Variants in WWC1 observed in about 807,000 individuals in gnomAD.
The protein encoded by WWC1 is WW and C2 domain containing 1, also known as protein KIBRA.
Under a neutral mutation model 138.4 loss-of-function variants are expected in WWC1, and 55 were observed. The ratio of observed to expected loss-of-function variants is 0.40; its 90% confidence interval spans 0.32 to 0.50. The LOEUF is 0.50. WWC1 is among the 20% of genes least tolerant of loss of function. The pLI, the probability that WWC1 is intolerant of heterozygous loss-of-function variation, is 0.72. For synonymous variants in WWC1, 524 were observed against 564.9 expected, an observed-to-expected ratio of 0.93 and a Z score of 1.03; for missense variants, 1,226 against 1,420.4, an observed-to-expected ratio of 0.86 and a Z score of 2.20.
intron 1 of WWC1, among the ~76,000 whole-genome samples, chr5:168,369,861 C>T (rs1165856303): frequency 1.4e-5 from 2 of 145,740 alleles, no homozygotes; most frequent in East Asian, 4.0e-4. Context: ...TTGGTTTTTC[C>T]TATGTATTCA....
rs1781730036 is a variant in WWC1 at position 168,428,937 on chromosome 5, A to G, written c.2000+150A>G. 8.5e-6 allele frequency: 6 copies of G among 709,812 alleles called. No individual in the cohort carries two copies. The South Asian group carries it at 9.1e-5, about 11-fold the overall frequency. The allele number at this position is 709,812 out of a possible 1,614,324, so 44.0% of individuals were successfully genotyped here. On this transcript the variant is annotated intron_variant, in intron 13 of 22. Coordinates refer to ENST00000265293, the MANE Select transcript of WWC1 (RefSeq NM_015238.3). The stretch of plus-strand genomic sequence containing the variant: ...CTGGCCATTGCAGCTTCTTAACTGA[A>G]GGGATGCTGATTCGTTCCTCACCTC...
At chr5:168,320,823 C>T (rs981329846) in intron 1 of WWC1, among the ~76,000 whole-genome samples, 3 of 152,012 alleles carry the variant, frequency 2.0e-5, no homozygotes, top group Non-Finnish European at 4.4e-5. Context: ...AGTTTCTGTC[C>T]GATGTCCCTC....
At chr5:168,359,737 A>AG (rs1416396023) in intron 1 of WWC1, among the ~76,000 whole-genome samples, 1 of 152,186 alleles carries the variant, frequency 6.6e-6, no homozygotes, top group Non-Finnish European at 1.5e-5. Context: ...AAACCCACAA[A>AG]GGAATATATG....
chr5:168,355,751 G>A (rs953395485), intron 1 of WWC1, among the ~76,000 whole-genome samples: 5 of 152,186 alleles, frequency 3.3e-5, no homozygotes, highest in Non-Finnish European at 5.9e-5. Context: ...GCAACCGAGT[G>A]ACAAGACTGG....
chr5:168,443,775 A>G (rs971277632), intron 16 of WWC1, among the ~76,000 whole-genome samples: 1 of 152,232 alleles, frequency 6.6e-6, no homozygotes, highest in Non-Finnish European at 1.5e-5. Flanking sequence ...GCTCTGGCCC[A>G]CACTACCAAG....
At chr5:168,417,513 C>G (rs1456338969) in intron 9 of WWC1, among the ~76,000 whole-genome samples, 1 of 152,154 alleles carries the variant, frequency 6.6e-6, no homozygotes, top group African/African-American at 2.4e-5. Flanking sequence ...AACTGAGGCT[C>G]ACCCGAGATC....
At chr5:168,444,774 G>A (rs1430939707) in intron 17 of WWC1, among the ~76,000 whole-genome samples, 189 bp downstream of exon 17, 2 of 151,376 alleles carry the variant, frequency 1.3e-5, no homozygotes, top group Admixed American at 6.6e-5. Flanking sequence ...AATTCCTTTC[G>A]AATTTGCCAT....
At chr5:168,430,053 G>C in intron 13 of WWC1, 84 bp from the exon 14 acceptor site, 1 of 1,135,640 alleles carries the variant, frequency 8.8e-7, no homozygotes, top group Non-Finnish European at 1.3e-6. Context: ...CAACAGCCAC[G>C]TCCTGTGACT....
intron 3 of WWC1, among the ~76,000 whole-genome samples, chr5:168,387,564 C>T (rs1778139644): frequency 6.6e-6 from 1 of 152,144 alleles, no homozygotes; most frequent in African/African-American, 2.4e-5. Flanking sequence ...ACACATTTAT[C>T]TTCTTACAGT....
chr5:168,389,606 T>G (rs1308045891), intron 3 of WWC1, among the ~76,000 whole-genome samples: 130 of 148,812 alleles, frequency 8.7e-4, no homozygotes, highest in South Asian at 2.3e-3. Context: ...TGTTTTTTTT[T>G]TTTTTTTTTT....
At chr5:168,362,113 C>T (rs1268252146) in intron 1 of WWC1, among the ~76,000 whole-genome samples, 3 of 151,222 alleles carry the variant, frequency 2.0e-5, no homozygotes, top group Non-Finnish European at 3.0e-5. Flanking sequence ...AAATGAAAAA[C>T]GAATCACTCA....
rs1245077153 is a variant in WWC1, at chr5:168,455,537, C to A, written c.2823+17C>A. 18 of 1,610,092 alleles carry A rather than the reference C, an allele frequency of 1.1e-5. No individual in the cohort carries two copies. Among genetic ancestry groups the A allele is most frequent in the Non-Finnish European group, 1.4e-5 (17 of 1,178,238 alleles). On this transcript the variant is annotated intron_variant, in intron 19 of 22. Coordinates refer to ENST00000265293, the MANE Select transcript of WWC1 (RefSeq NM_015238.3). ...GTGTGCCGGGTAAGTGAGCGTGCGG[C>A]CCTCTTCTGCTCCCCTCAGGGTAGC...
At chr5:168,337,181 G>A (rs1773549675) in intron 1 of WWC1, among the ~76,000 whole-genome samples, 1 of 152,206 alleles carries the variant, frequency 6.6e-6, no homozygotes, top group East Asian at 1.9e-4. Flanking sequence ...AATCATTGGG[G>A]ACCTGGTTTT....
intron 3 of WWC1, among the ~76,000 whole-genome samples, chr5:168,393,977 G>A (rs2112555): frequency 0.24 from 36,484 of 152,184 alleles, 4,677 homozygotes; most frequent in South Asian, 0.41. Context: ...AAGTCAGCTA[G>A]CTGATTGCAC....
intron 8 of WWC1, among the ~76,000 whole-genome samples, chr5:168,412,453 G>C (rs977839199): frequency 5.9e-5 from 9 of 152,126 alleles, no homozygotes; most frequent in Non-Finnish European, 1.3e-4. Flanking sequence ...GAAATTTAAG[G>C]AGCATTGACA....
intron 17 of WWC1, among the ~76,000 whole-genome samples, chr5:168,448,808 A>G (rs1230321455): frequency 6.6e-6 from 1 of 151,884 alleles, no homozygotes; most frequent in African/African-American, 2.4e-5. Context: ...TTTAGTAGAG[A>G]TGGGGTTTCA....
chr5:168,425,903 C>G (rs1454552047), intron 11 of WWC1, among the ~76,000 whole-genome samples: 2 of 152,168 alleles, frequency 1.3e-5, no homozygotes, highest in Non-Finnish European at 2.9e-5. Flanking sequence ...AGGACTGGCA[C>G]AAGGACCACC....
intron 1 of WWC1, among the ~76,000 whole-genome samples, chr5:168,314,888 C>A (rs1018912569): frequency 2.0e-5 from 3 of 152,204 alleles, no homozygotes; most frequent in Non-Finnish European, 4.4e-5. Context: ...GATTAGGACA[C>A]TGCCCTCGCC....
intron 3 of WWC1, among the ~76,000 whole-genome samples, chr5:168,392,661 T>C (rs1477641096): frequency 1.3e-5 from 2 of 152,072 alleles, no homozygotes; most frequent in Non-Finnish European, 1.5e-5. Context: ...TACATTGCAC[T>C]TCAGCCTGGG....
Sources: allele counts gnomAD v4.1 joint callset (sites outside exome capture counted in the v4.1 genomes callset), GRCh38; gene constraint gnomAD v4.1.1; transcripts MANE v1.5; gene names NCBI Gene and HGNC (gene_info 2026-07-23, HGNC 2026-07-21).